RASGRP3: variants seen among roughly 807,000 people sequenced by gnomAD.
RASGRP3 encodes the protein ras guanyl-releasing protein 3.
In RASGRP3, 54 loss-of-function variants were observed where a neutral mutation model predicts 82.7. The ratio of observed to expected loss-of-function variants is 0.65; its 90% CI spans 0.52 to 0.82. The LOEUF (loss-of-function observed/expected upper bound fraction) is 0.82. RASGRP3 is among the 40% of genes least tolerant of loss of function. The pLI is 0.00. For synonymous variants in RASGRP3, 309 were observed against 300.5 expected, an observed-to-expected ratio of 1.03 and a Z score of -0.29; for missense variants, 861 against 828.9, an observed-to-expected ratio of 1.04 and a Z score of -0.48.
intron 1 of RASGRP3, among the ~76,000 whole-genome samples, chr2:33,507,756 C>T (rs1014676369): frequency 3.3e-5 from 5 of 152,120 alleles, no homozygotes; most frequent in East Asian, 1.9e-4. Context: ...GAACTCCTGA[C>T]CTCAAGTGAT....
intron 4 of RASGRP3, 63 bp downstream of exon 4, chr2:33,516,707 T>A: frequency 8.8e-7 from 1 of 1,137,824 alleles, no homozygotes; most frequent in Non-Finnish European, 1.3e-6. Context: ...TTAGATAGAG[T>A]GTCTATCCAA....
chr2:33,500,428 T>A (rs1669754902), intron 1 of RASGRP3, among the ~76,000 whole-genome samples: 1 of 151,958 alleles, frequency 6.6e-6, no homozygotes, highest in Non-Finnish European at 1.5e-5. Flanking sequence ...GGATACGGGA[T>A]GACAGCTTGA....
chr2:33,449,662 G>A (rs1665682674), intron 2 of RASGRP3, among the ~76,000 whole-genome samples: 1 of 152,070 alleles, frequency 6.6e-6, no homozygotes, highest in African/African-American at 2.4e-5. Context: ...GGGAGGCTGA[G>A]GCAGGAGAAT....
chr2:33,465,367 G>C (rs988625315), intron 2 of RASGRP3, among the ~76,000 whole-genome samples: 1 of 152,154 alleles, frequency 6.6e-6, no homozygotes, highest in African/African-American at 2.4e-5. Flanking sequence ...GAGGTTTGTT[G>C]ATAAGGCTTA....
At chr2:33,487,580 A>G (rs148778519) in intron 1 of RASGRP3, among the ~76,000 whole-genome samples, 2 of 152,350 alleles carry the variant, frequency 1.3e-5, no homozygotes, top group East Asian at 3.9e-4. Flanking sequence ...TCAGCATTAT[A>G]CAGAGACTAC....
At chr2:33,529,991 G>A (rs906731691) in intron 10 of RASGRP3, among the ~76,000 whole-genome samples, 3 of 152,136 alleles carry the variant, frequency 2.0e-5, no homozygotes, top group Non-Finnish European at 2.9e-5. Context: ...TTAGTGCATA[G>A]CAGTATACAT....
At chr2:33,465,969 CA>C (rs60914898) in intron 2 of RASGRP3, among the ~76,000 whole-genome samples, 65,905 of 130,094 alleles carry the variant, frequency 0.51, 15,105 homozygotes, top group East Asian at 0.64. Context: ...ACTTACTGCT[CA>C]AAAAAAAAAA....
chr2:33,471,669 T>C (rs546734389), upstream of RASGRP3, among the ~76,000 whole-genome samples: 19 of 152,280 alleles, frequency 1.2e-4, no homozygotes, highest in African/African-American at 4.6e-4. Flanking sequence ...AGAACTTGAT[T>C]GTGTAAGTAA....
chr2:33,510,890 T>C (rs1408683112), intron 1 of RASGRP3, among the ~76,000 whole-genome samples: 2 of 152,174 alleles, frequency 1.3e-5, no homozygotes, highest in African/African-American at 4.8e-5. Context: ...TAATGAACAG[T>C]TACATGGAAT....
At chr2:33,505,723 T>C (rs1032926989) in intron 1 of RASGRP3, among the ~76,000 whole-genome samples, 12 of 152,346 alleles carry the variant, frequency 7.9e-5, no homozygotes, top group African/African-American at 2.6e-4. Context: ...GGGTCTTAAC[T>C]TTGAGGCATT....
At chr2:33,539,336 T>A in intron 12 of RASGRP3, 126 bp downstream of exon 12, 1 of 729,972 alleles carries the variant, frequency 1.4e-6, no homozygotes, top group Non-Finnish European at 2.3e-6. Flanking sequence ...AGGAACAATT[T>A]AGCAGGCACT....
At chr2:33,555,467 T>C in intron 14 of RASGRP3, 64 bp from the exon 15 acceptor site, 1 of 1,424,866 alleles carries the variant, frequency 7.0e-7, no homozygotes, top group Non-Finnish European at 9.7e-7. Context: ...TCCTTTTCAG[T>C]GGCCTTGTTT....
intron 1 of RASGRP3, among the ~76,000 whole-genome samples, chr2:33,484,604 A>G (rs1307630374): frequency 6.6e-6 from 1 of 151,720 alleles, no homozygotes; most frequent in Non-Finnish European, 1.5e-5. Context: ...TCTGTAATCC[A>G]TTTCTCTCCC....
At chr2:33,505,225 G>C (rs1382253205) in intron 1 of RASGRP3, among the ~76,000 whole-genome samples, 2 of 151,686 alleles carry the variant, frequency 1.3e-5, no homozygotes, top group Non-Finnish European at 2.9e-5. Context: ...GAACAACAAA[G>C]GAGTAAGGGA....
intron 2 of RASGRP3, among the ~76,000 whole-genome samples, chr2:33,468,036 C>T (rs1429359448): frequency 1.9e-5 from 2 of 106,228 alleles, no homozygotes; most frequent in Non-Finnish European, 3.6e-5. Flanking sequence ...TTCTTTCTTT[C>T]TTTCTTTCTC....
intron 1 of RASGRP3, among the ~76,000 whole-genome samples, chr2:33,441,129 T>C (rs1469103550): frequency 1.3e-5 from 2 of 152,200 alleles, no homozygotes; most frequent in Admixed American, 1.3e-4. Flanking sequence ...TGACCTCAAA[T>C]GATCCTCCTG....
rs1281447345 is a variant in RASGRP3 at position 33,558,083 on chromosome 2, G to A, written c.1580-128G>A. 1.7e-5 allele frequency: 22 copies of A among 1,271,118 alleles called. No homozygotes were observed. The East Asian group carries it at 5.3e-4, about 31-fold the overall frequency. 78.7% of individuals were successfully genotyped at this position (1,271,118 alleles called of 1,614,324 possible). On this transcript the variant is annotated intron_variant, in intron 15 of 17. Coordinates refer to ENST00000403687, the MANE Select transcript of RASGRP3 (RefSeq NM_001139488.2). Reference sequence around the variant, plus strand: ...TCCTAGACACACCCCATGGGCCTGAGCTCAACTCTGAAATTCAACACAGAA... The same window carrying A: ...TCCTAGACACACCCCATGGGCCTGAACTCAACTCTGAAATTCAACACAGAA...
intron 6 of RASGRP3, 103 bp downstream of exon 6, chr2:33,520,787 A>G (rs922988165): frequency 1.0e-5 from 15 of 1,489,212 alleles, no homozygotes; most frequent in Non-Finnish European, 1.4e-5. Context: ...TCCTGAATCC[A>G]GGTTTGCTTC....
In RASGRP3 at chr2:33,555,252, G is replaced by C. The variant is rs536539161; in HGVS notation, c.1543-279G>C. ...CTCCTCTGTACATTTTGCTGAGAGC[G>C]CATCAGGCCAAAGTCTGGTGCATCA... is the stretch of plus-strand genomic sequence containing the variant. On this transcript the variant is annotated intron_variant, in intron 14 of 17. Transcript: ENST00000403687. The C allele has an allele frequency of 2.2e-5, 6 of 274,400 alleles. No individual in the cohort carries two copies. In the Admixed American group the frequency reaches 3.0e-4, roughly 14 times the overall value. 17.0% of individuals were successfully genotyped at this position (274,400 alleles called of 1,614,324 possible).
Sources: gnomAD v4.1 joint callset for allele counts (sites outside exome capture counted in the v4.1 genomes callset) on GRCh38, gnomAD v4.1.1 for gene constraint, MANE v1.5 for transcripts, NCBI Gene and HGNC (gene_info 2026-07-23, HGNC 2026-07-21) for gene names.